INTS7: variants seen among roughly 807,000 people sequenced by gnomAD.
The protein encoded by INTS7 is integrator complex subunit 7, also known as chromosome 1 open reading frame 73.
A neutral mutation model predicts 109.2 loss-of-function variants in INTS7; 46 were observed. That is an observed-to-expected ratio of 0.42 (90% CI 0.33 to 0.54). The LOEUF is 0.54. Among genes scored for constraint, INTS7 ranks in the 20% least tolerant of loss-of-function variants. The probability of loss-of-function intolerance (pLI) is 0.07; values close to 1 mark genes in which losing one functional copy is unlikely to be tolerated. For missense variants in INTS7, 929 were observed against 1,132.4 expected (o/e 0.82, Z 2.58); for synonymous variants, 412 against 402.9 (o/e 1.02, Z -0.27).
chr1:211,965,771 C>T (rs1663847775), intron 16 of INTS7, among the ~76,000 whole-genome samples: 1 of 152,022 alleles, frequency 6.6e-6, no homozygotes, highest in Non-Finnish European at 1.5e-5. Context: ...GAGGGGAACA[C>T]CACACACTGG....
At chr1:211,962,639 A>C (rs891700957) in intron 16 of INTS7, among the ~76,000 whole-genome samples, 2 of 152,196 alleles carry the variant, frequency 1.3e-5, no homozygotes, top group African/African-American at 2.4e-5. Context: ...ACACAAAACA[A>C]TCTTCAGCAA....
In INTS7 at chr1:212,021,145, C is replaced by T. The variant is rs1173825223; in HGVS notation, c.162G>A (p.Lys54=). ...AATTGATAAGAATAGGGAATGGATA[C>T]TTCTGAAAAAGTCTGGGAAAGCGAA... The part of the protein sequence containing the change: ...AVVRFPRLFQ[K]YPFPILINSA... Residue 54 remains lysine (K), a synonymous_variant, in exon 2 of 20, where the codon AAG becomes AAA. Transcript: ENST00000366994. The T allele has an allele frequency of 1.2e-6, 2 of 1,612,448 alleles. No homozygotes were observed. Among genetic ancestry groups the T allele is most frequent in the East Asian group, 4.5e-5 (2 of 44,832 alleles).
At chr1:211,997,957 AT>A (rs950406435) in intron 7 of INTS7, among the ~76,000 whole-genome samples, 3 of 151,808 alleles carry the variant, frequency 2.0e-5, no homozygotes, top group Non-Finnish European at 4.4e-5. Context: ...ACCAACAAAA[AT>A]CCCAGCAGCC....
chr1:211,986,100 T>C (rs186287816), intron 8 of INTS7, among the ~76,000 whole-genome samples: 50 of 152,268 alleles, frequency 3.3e-4, no homozygotes, highest in Non-Finnish European at 2.5e-4. Context: ...TGACAAATGC[T>C]TTTGTGTTGG....
intron 1 of INTS7, among the ~76,000 whole-genome samples, chr1:212,021,581 T>C (rs1396597935): frequency 6.6e-6 from 1 of 151,330 alleles, no homozygotes; most frequent in East Asian, 1.9e-4. Context: ...AGGTGGCTCA[T>C]GCTTGTAATC....
chr1:211,994,449 G>A (rs1571885265), intron 7 of INTS7, among the ~76,000 whole-genome samples: 2 of 141,950 alleles, frequency 1.4e-5, no homozygotes. Context: ...TTGAGATGGA[G>A]TGTTGCTTTT....
chr1:211,965,411 CAG>C (rs1488944315), intron 16 of INTS7, among the ~76,000 whole-genome samples: 2 of 152,080 alleles, frequency 1.3e-5, no homozygotes, highest in Admixed American at 6.6e-5. Context: ...AAGCTAAAAA[CAG>C]AATTACCATT....
intron 16 of INTS7, among the ~76,000 whole-genome samples, chr1:211,955,360 CT>C: frequency 6.6e-6 from 1 of 152,310 alleles, no homozygotes; most frequent in African/African-American, 2.4e-5. Context: ...CTGACTTCCT[CT>C]TTTCCTCATT....
intron 10 of INTS7, among the ~76,000 whole-genome samples, chr1:211,980,798 G>A (rs548230898): frequency 2.6e-5 from 4 of 152,208 alleles, no homozygotes; most frequent in South Asian, 4.2e-4. Context: ...ACTAAGTGAA[G>A]GTGAAAATTC....
rs1377141348 is a variant in INTS7 at position 211,944,869 on chromosome 1, G to A, written c.2516C>T (p.Ser839Phe). 1.9e-6 allele frequency: 3 copies of A among 1,614,140 alleles called. No individual in the cohort carries two copies. The highest frequency in any genetic ancestry group is 3.3e-4 in the Middle Eastern group (2 of 6,060). ...AATTTTGCGGAAGAGTCCTGGTTTA[G>A]ATCCGTGCTGAACCACTCCCTCTAC... ...LKVEGVVQHG[S>F]KPGLFRKIQS... is the part of the protein sequence containing the mutation. The change falls in exon 19 of 20, where the codon TCT becomes TTT. Residue 839 changes from serine to phenylalanine, a missense_variant. Transcript: ENST00000366994.
intron 7 of INTS7, among the ~76,000 whole-genome samples, chr1:211,998,611 T>G (rs1278588205): frequency 6.6e-6 from 1 of 151,146 alleles, no homozygotes; most frequent in Non-Finnish European, 1.5e-5. Context: ...AGGAGAAAAC[T>G]TTTGTGATTT....
At chr1:211,974,012 C>A (rs985291694) in intron 13 of INTS7, among the ~76,000 whole-genome samples, 3 of 152,050 alleles carry the variant, frequency 2.0e-5, no homozygotes, top group Non-Finnish European at 4.4e-5. Context: ...ATTAAATACA[C>A]ATACCACACA....
In INTS7 at chr1:212,035,507, C is replaced by G. The variant is rs1409815646; in HGVS notation, c.-70G>C. On this transcript the variant is annotated 5_prime_UTR_variant, in exon 1 of 20. Transcript: ENST00000366994. The stretch of plus-strand genomic sequence containing the variant: ...CTCTACCCCAGGACCGCCATCTTCC[C>G]CCGCCGCCTTCTTGCTGGTTTTTCT... The G allele has an allele frequency of 2.3e-5, 27 of 1,153,000 alleles. No homozygotes were observed. The highest frequency in any genetic ancestry group is 3.3e-5 in the Non-Finnish European group (25 of 762,252). The allele number at this position is 1,153,000 out of a possible 1,614,324, so 71.4% of individuals were successfully genotyped here. A position where few individuals can be genotyped will look rare whatever the true frequency, so the allele number is the denominator to read the frequency against.
At chr1:212,021,306 G>A in intron 1 of INTS7, 94 bp from the exon 2 acceptor site, 1 of 1,023,890 alleles carries the variant, frequency 9.8e-7, no homozygotes, top group Non-Finnish European at 1.4e-6. Flanking sequence ...AGATAGTAAA[G>A]AAATAATCAT....
Position 211,967,451 on chromosome 1 carries a change from C to CAA in INTS7, c.2114+425_2114+426dup, listed in dbSNP as rs35896290. ...TGGGCAACAGAGTGAGACTCCATCT[C>CAA]AAAAAAAAAAAAAAAAAAAAAGTGA... On this transcript the variant is annotated intron_variant, in intron 15 of 19. Coordinates refer to ENST00000366994, the MANE Select transcript of INTS7 (RefSeq NM_015434.4). Among the ~76,000 whole-genome samples, 318 of 82,156 alleles carry CAA rather than the reference C, an allele frequency of 3.9e-3. 9 individuals are homozygous for CAA. Among genetic ancestry groups the CAA allele is most frequent in the South Asian group, 0.018 (41 of 2,318 alleles). 53.9% of individuals were successfully genotyped at this position (82,156 alleles called of 152,430 possible).
chr1:211,955,448 G>A (rs966198874), intron 16 of INTS7, among the ~76,000 whole-genome samples: 2 of 152,194 alleles, frequency 1.3e-5, no homozygotes, highest in Admixed American at 1.3e-4. Context: ...GGAGTGGTGA[G>A]AGAGGGCATC....
At chr1:212,034,417 A>T (rs1483326950) in intron 1 of INTS7, among the ~76,000 whole-genome samples, 1 of 152,214 alleles carries the variant, frequency 6.6e-6, no homozygotes, top group Non-Finnish European at 1.5e-5. Flanking sequence ...AAGTGGCTCA[A>T]ACCCTTCTGA....
intron 16 of INTS7, among the ~76,000 whole-genome samples, chr1:211,961,675 C>T (rs1663640136): frequency 6.6e-6 from 1 of 152,084 alleles, no homozygotes; most frequent in African/African-American, 2.4e-5. Context: ...GTGACCCTCC[C>T]ACCTCGGCCT....
chr1:212,010,530 T>A (rs183902272), intron 5 of INTS7, among the ~76,000 whole-genome samples: 46 of 152,272 alleles, frequency 3.0e-4, no homozygotes, highest in African/African-American at 1.0e-3. Flanking sequence ...CAGAGCAGTC[T>A]TCCCTACACT....
Sources: gnomAD v4.1 joint callset for allele counts (sites outside exome capture counted in the v4.1 genomes callset) on GRCh38, gnomAD v4.1.1 for gene constraint, MANE v1.5 for transcripts, NCBI Gene and HGNC (gene_info 2026-07-23, HGNC 2026-07-21) for gene names.